CSMD1: variants seen among roughly 807,000 people sequenced by gnomAD.
CSMD1 encodes the protein CUB and Sushi multiple domains 1.
A neutral mutation model predicts 417.5 loss-of-function variants in CSMD1; 213 were observed. The ratio of observed to expected loss-of-function variants is 0.51; its 90% CI spans 0.46 to 0.57. The LOEUF (loss-of-function observed/expected upper bound fraction) is 0.57, where lower values mean the gene tolerates loss of function less well. Ranked by LOEUF, CSMD1 falls within the 20% of genes least tolerant of loss-of-function variation. CSMD1 has a pLI of 0.00. For missense variants in CSMD1, 6,923 were observed against 4,529.7 expected, an observed-to-expected ratio of 1.53 and a Z score of -15.17; for synonymous variants, 2,862 against 1,736.8, an observed-to-expected ratio of 1.65 and a Z score of -16.11.
chr8:3,532,202 T>C (rs1485833195), intron 10 of CSMD1, among the ~76,000 whole-genome samples: 1 of 152,186 alleles, frequency 6.6e-6, no homozygotes, highest in South Asian at 2.1e-4. Flanking sequence ...CCTTAGTATG[T>C]CCGTGTCCTT....
intron 5 of CSMD1, among the ~76,000 whole-genome samples, chr8:3,953,523 C>T (rs1442085571): frequency 1.3e-5 from 2 of 152,076 alleles, no homozygotes; most frequent in Non-Finnish European, 2.9e-5. Flanking sequence ...AAGATAATGA[C>T]ATTGCCCTGA....
intron 2 of CSMD1, among the ~76,000 whole-genome samples, chr8:4,560,958 T>A (rs1474004862): frequency 3.9e-5 from 6 of 152,212 alleles, no homozygotes; most frequent in African/African-American, 4.8e-5. Context: ...TGGACAAAGA[T>A]TAAGTCTTCC....
intron 7 of CSMD1, among the ~76,000 whole-genome samples, chr8:3,635,531 T>C (rs1347484616): frequency 1.1e-4 from 16 of 144,944 alleles, no homozygotes; most frequent in Non-Finnish European, 2.0e-4. Flanking sequence ...TCACCCAGGC[T>C]GGAGTGCAGT....
In CSMD1 at chr8:4,873,383, A is replaced by G. The variant is rs575917794; in HGVS notation, c.85+120949T>C. ...ATGACACGCAGATCAGCGATAGAGG[A>G]GAGACTCCCGGACACTCAGCAGGAA... On this transcript the variant is annotated intron_variant, in intron 1 of 69. Coordinates refer to ENST00000635120, the MANE Select transcript of CSMD1 (RefSeq NM_033225.6). Among the ~76,000 whole-genome samples the G allele has an allele frequency of 2.0e-4, 31 of 152,250 alleles. No homozygotes were observed. The South Asian group carries it at 6.2e-3, about 31-fold the overall frequency.
chr8:3,367,643 G>A (rs949833105), intron 19 of CSMD1, among the ~76,000 whole-genome samples: 2 of 152,114 alleles, frequency 1.3e-5, no homozygotes, highest in African/African-American at 4.8e-5. Context: ...AAAAAAAGCA[G>A]AAGGGATAAA....
At chr8:3,564,441 C>T (rs1260416307) in intron 10 of CSMD1, among the ~76,000 whole-genome samples, 1 of 151,838 alleles carries the variant, frequency 6.6e-6, no homozygotes. Flanking sequence ...TGCTGTTATT[C>T]TTTACCTCTG....
chr8:4,212,751 C>CTTTTTTTTTTTT lies in CSMD1; in HGVS notation c.416-180664_416-180653dup, dbSNP rs5889027. ...AAAAGTTTACAACAGCGGCCTTATTCTTTTTTTTTTTTTTTTTTTTTTTTT... is the reference window on the plus strand; with the variant it reads ...AAAAGTTTACAACAGCGGCCTTATTCTTTTTTTTTTTTTTTTTTTTTTTTTTTTTTTTTTTTT... On this transcript the variant is annotated intron_variant, in intron 3 of 69. Coordinates refer to ENST00000635120, the MANE Select transcript of CSMD1 (RefSeq NM_033225.6). Among the ~76,000 whole-genome samples the CTTTTTTTTTTTT allele has an allele frequency of 3.3e-3, 323 of 99,174 alleles. 33 individuals carry two copies. Among genetic ancestry groups the CTTTTTTTTTTTT allele is most frequent in the African/African-American group, 0.013 (310 of 23,416 alleles). 65.1% of individuals were successfully genotyped at this position (99,174 alleles called of 152,430 possible).
chr8:4,199,893 G>C (rs1299305329), intron 3 of CSMD1, among the ~76,000 whole-genome samples: 1 of 152,062 alleles, frequency 6.6e-6, no homozygotes, highest in African/African-American at 2.4e-5. Flanking sequence ...GCCCTTAGTG[G>C]AAGACAAGTC....
chr8:4,240,039 C>T (rs532080666), intron 3 of CSMD1, among the ~76,000 whole-genome samples: 1 of 152,164 alleles, frequency 6.6e-6, no homozygotes, highest in African/African-American at 2.4e-5. Context: ...TATTTCTTGA[C>T]AAGAAAATCA....
chr8:4,134,413 A>G (rs1803294757), intron 3 of CSMD1, among the ~76,000 whole-genome samples: 1 of 152,216 alleles, frequency 6.6e-6, no homozygotes, highest in Admixed American at 6.5e-5. Flanking sequence ...TGACCTTTGA[A>G]GACAGAGGGA....
intron 23 of CSMD1, among the ~76,000 whole-genome samples, chr8:3,334,438 A>G (rs995015476): frequency 1.3e-5 from 2 of 152,140 alleles, no homozygotes; most frequent in Non-Finnish European, 2.9e-5. Context: ...TTATAGTAGT[A>G]TGTTTAATGT....
At chr8:4,598,788 C>T (rs1800418288) in intron 2 of CSMD1, among the ~76,000 whole-genome samples, 1 of 151,864 alleles carries the variant, frequency 6.6e-6, no homozygotes, top group Admixed American at 6.6e-5. Context: ...TTTTTTCAAT[C>T]ACAGAAATAG....
At chr8:4,175,663 G>C (rs1004669928) in intron 3 of CSMD1, among the ~76,000 whole-genome samples, 5 of 151,950 alleles carry the variant, frequency 3.3e-5, no homozygotes, top group African/African-American at 9.7e-5. Flanking sequence ...ACTATCTAAA[G>C]GTAAAGAAAC....
chr8:4,512,169 G>C (rs1488509276), intron 2 of CSMD1, among the ~76,000 whole-genome samples: 4 of 152,020 alleles, frequency 2.6e-5, no homozygotes, highest in African/African-American at 9.7e-5. Context: ...ACATCAACAG[G>C]TTAAAGAAAA....
chr8:4,413,363 C>G (rs150824008), intron 3 of CSMD1, among the ~76,000 whole-genome samples: 2 of 152,078 alleles, frequency 1.3e-5, no homozygotes, highest in Non-Finnish European at 2.9e-5. Context: ...TTCTTTTATC[C>G]GACACATTAG....
intron 4 of CSMD1, among the ~76,000 whole-genome samples, chr8:4,015,927 A>C (rs1410008894): frequency 1.3e-5 from 2 of 152,180 alleles, no homozygotes; most frequent in Non-Finnish European, 2.9e-5. Context: ...CAAACAACAA[A>C]ATGTCTCTTC....
At chr8:2,983,199 T>A (rs150239958) in intron 54 of CSMD1, among the ~76,000 whole-genome samples, 1,676 of 152,264 alleles carry the variant, frequency 0.011, 43 homozygotes, top group African/African-American at 0.038. Flanking sequence ...ATATATATTT[T>A]TTTTTGAGAT....
At chr8:3,530,330 T>C (rs773180510) in intron 10 of CSMD1, among the ~76,000 whole-genome samples, 14 of 152,180 alleles carry the variant, frequency 9.2e-5, no homozygotes, top group Non-Finnish European at 1.8e-4. Context: ...TTTGGCTGCA[T>C]CCTGTAAGTT....
At chr8:4,483,798 T>C (rs1188162856) in intron 2 of CSMD1, among the ~76,000 whole-genome samples, 1 of 152,168 alleles carries the variant, frequency 6.6e-6, no homozygotes, top group Non-Finnish European at 1.5e-5. Flanking sequence ...TTTATTAATA[T>C]GGGTTGGTTT....
Sources: allele counts gnomAD v4.1 joint callset (sites outside exome capture counted in the v4.1 genomes callset), GRCh38; gene constraint gnomAD v4.1.1; transcripts MANE v1.5; gene names NCBI Gene and HGNC (gene_info 2026-07-23, HGNC 2026-07-21).